RERE: variants seen among roughly 807,000 people sequenced by gnomAD.
The protein encoded by RERE is arginine-glutamic acid dipeptide repeats, also known as arginine-glutamic acid dipeptide repeats protein.
Under a neutral mutation model 146.1 loss-of-function variants are expected in RERE, and 40 were observed. The observed-to-expected ratio is 0.27, with a 90% CI of 0.21 to 0.36. The LOEUF is 0.36. Among genes scored for constraint, RERE ranks in the 10% least tolerant of loss-of-function variants. The probability of loss-of-function intolerance (pLI) is 1.00; values close to 1 mark genes in which losing one functional copy is unlikely to be tolerated. For missense variants in RERE, 1,933 were observed against 2,138.7 expected (o/e 0.90, Z 1.90); for synonymous variants, 1,003 against 866.0 (o/e 1.16, Z -2.78).
chr1:8,777,126 T>C (rs1183476671), intron 1 of RERE, among the ~76,000 whole-genome samples: 1 of 152,170 alleles, frequency 6.6e-6, no homozygotes, highest in Admixed American at 6.5e-5. Context: ...GCACTTCACC[T>C]TTGAAGGAGC....
Position 8,805,007 on chromosome 1 carries a change from G to GTTTTTTTTTTTTT in RERE, c.-145+12152_-145+12153insAAAAAAAAAAAAA, listed in dbSNP as rs1557553356. Among the ~76,000 whole-genome samples, 8 of 61,360 alleles carry GTTTTTTTTTTTTT rather than the reference G, an allele frequency of 1.3e-4. 1 individual carries two copies. The highest frequency in any genetic ancestry group is 9.4e-5 in the Non-Finnish European group (3 of 31,890). The allele number at this position is 61,360 out of a possible 152,430, so 40.3% of individuals were successfully genotyped here. On this transcript the variant is annotated intron_variant, in intron 1 of 22. Transcript: ENST00000400908. Reference sequence around the variant, plus strand: ...ATTTTTTTTGTTTTGTTTTGTTTTTGGTTTTTTTTTTTTTTTTTTTTGAGA... The same window carrying GTTTTTTTTTTTTT: ...ATTTTTTTTGTTTTGTTTTGTTTTTGTTTTTTTTTTTTTGTTTTTTTTTTTTTTTTTTTTGAGA...
At chr1:8,355,236 C>T in intron 22 of RERE, 116 bp from the exon 23 acceptor site, 1 of 1,214,352 alleles carries the variant, frequency 8.2e-7, no homozygotes. Context: ...CCCGCAGCCT[C>T]CTGTGTAGCT....
chr1:8,429,101 C>T lies in RERE; in HGVS notation c.1204-6294G>A, dbSNP rs934860649. On this transcript the variant is annotated intron_variant, in intron 11 of 22. Coordinates refer to ENST00000400908, the MANE Select transcript of RERE (RefSeq NM_001042681.2). ...AACAATAAAAATGGTGAACACTGAG[C>T]GCTATAACGTGCCAGCCACTGTCTT... 3.9e-5 allele frequency among the ~76,000 whole-genome samples: 6 copies of T among 152,250 alleles called. No homozygotes were observed. The East Asian group carries it at 9.6e-4, about 24-fold the overall frequency.
chr1:8,531,199 A>G (rs965398652), intron 7 of RERE, among the ~76,000 whole-genome samples: 1 of 152,078 alleles, frequency 6.6e-6, no homozygotes, highest in Non-Finnish European at 1.5e-5. Context: ...TCACAAATAT[A>G]ATGAGAGGCC....
At chr1:8,762,567 A>G (rs1029434049) in intron 1 of RERE, among the ~76,000 whole-genome samples, 89 of 152,170 alleles carry the variant, frequency 5.8e-4, no homozygotes, top group African/African-American at 2.1e-3. Flanking sequence ...AGACAAAAAA[A>G]GTAGCATCAG....
At chr1:8,690,088 A>G (rs1052730258) in intron 1 of RERE, among the ~76,000 whole-genome samples, 5 of 152,226 alleles carry the variant, frequency 3.3e-5, no homozygotes, top group Non-Finnish European at 5.9e-5. Flanking sequence ...TTAGTCCGCC[A>G]TAACAGAATA....
intron 11 of RERE, among the ~76,000 whole-genome samples, chr1:8,435,278 T>C (rs1187448610): frequency 6.6e-6 from 1 of 152,222 alleles, no homozygotes; most frequent in Non-Finnish European, 1.5e-5. Context: ...ACTGAATATA[T>C]GAGGAAAGGG....
intron 2 of RERE, among the ~76,000 whole-genome samples, chr1:8,626,199 T>C (rs1646971427): frequency 6.6e-6 from 1 of 152,188 alleles, no homozygotes; most frequent in Admixed American, 6.5e-5. Context: ...AGAAACTCAA[T>C]TCCCTAGATA....
chr1:8,556,620 A>C, intron 5 of RERE, 49 bp from the exon 6 acceptor site: 1 of 1,186,888 alleles, frequency 8.4e-7, no homozygotes, highest in Non-Finnish European at 1.2e-6. Flanking sequence ...TTCCCAAAAC[A>C]AGTAAAAAAA....
At chr1:8,521,182 A>AAAT (rs1557670379) in intron 7 of RERE, among the ~76,000 whole-genome samples, 1 of 135,798 alleles carries the variant, frequency 7.4e-6, no homozygotes, top group Non-Finnish European at 1.6e-5. Flanking sequence ...TTTTCAAAAA[A>AAAT]AAAAAAAAAA....
intron 20 of RERE, 136 bp downstream of exon 20, chr1:8,358,060 G>A (rs903707001): frequency 6.3e-6 from 9 of 1,429,606 alleles, no homozygotes; most frequent in Non-Finnish European, 8.4e-6. Context: ...TGGATGCTGA[G>A]CTCTTCTAAG....
chr1:8,697,893 A>C (rs1448149683), intron 1 of RERE, among the ~76,000 whole-genome samples: 1 of 152,030 alleles, frequency 6.6e-6, no homozygotes, highest in African/African-American at 2.4e-5. Context: ...CATATTAGGG[A>C]GTAGATCTGG....
intron 12 of RERE, among the ~76,000 whole-genome samples, chr1:8,407,131 A>T (rs1240072705): frequency 6.6e-6 from 1 of 152,214 alleles, no homozygotes; most frequent in Non-Finnish European, 1.5e-5. Context: ...AGGCTCTCTC[A>T]GTGGCCAACT....
At chr1:8,621,397 G>A (rs2124217097) in intron 3 of RERE, among the ~76,000 whole-genome samples, 1 of 152,288 alleles carries the variant, frequency 6.6e-6, no homozygotes, top group East Asian at 1.9e-4. Flanking sequence ...TAGCCTCGGT[G>A]ACTGGCGGTA....
At chr1:8,790,047 T>C (rs1641335628) in intron 1 of RERE, among the ~76,000 whole-genome samples, 1 of 152,250 alleles carries the variant, frequency 6.6e-6, no homozygotes, top group Non-Finnish European at 1.5e-5. Context: ...TTTATTTCTT[T>C]TGTATCCCAC....
chr1:8,393,190 G>T (rs1244306163), intron 12 of RERE, among the ~76,000 whole-genome samples: 1 of 152,190 alleles, frequency 6.6e-6, no homozygotes, highest in East Asian at 1.9e-4. Flanking sequence ...TATAGTACTT[G>T]ATCTTACCTT....
At chr1:8,770,978 T>C (rs924661459) in intron 1 of RERE, among the ~76,000 whole-genome samples, 4 of 152,118 alleles carry the variant, frequency 2.6e-5, no homozygotes, top group African/African-American at 9.7e-5. Flanking sequence ...TGCACCTATT[T>C]GGGGAAATGT....
At chr1:8,463,754 C>T (rs1391705757) in intron 11 of RERE, among the ~76,000 whole-genome samples, 3 of 151,786 alleles carry the variant, frequency 2.0e-5, no homozygotes, top group East Asian at 3.9e-4. Flanking sequence ...GGAGAGAGGA[C>T]GCCAAAGGGC....
At position 8,595,406 on chromosome 1, in the gene RERE, A is replaced by T. The variant is rs1261099230; in HGVS notation, c.522+19155T>A. 3.9e-5 allele frequency among the ~76,000 whole-genome samples: 6 copies of T among 152,088 alleles called. No homozygotes were observed. In the East Asian group the frequency reaches 7.7e-4, roughly 20 times the overall value. On this transcript the variant is annotated intron_variant, in intron 4 of 22. Coordinates refer to ENST00000400908, the MANE Select transcript of RERE (RefSeq NM_001042681.2). ...GTCCTGAATATTTTGTTACAACATT[A>T]AAAAAAGTACACACACACAAGAAAA...
Sources: allele counts gnomAD v4.1 joint callset (sites outside exome capture counted in the v4.1 genomes callset), GRCh38; gene constraint gnomAD v4.1.1; transcripts MANE v1.5; gene names NCBI Gene and HGNC (gene_info 2026-07-23, HGNC 2026-07-21).